The following ANKRD6 variants were observed in gnomAD, a reference collection of about 807,000 sequenced individuals.
ANKRD6 encodes the protein ankyrin repeat domain 6.
Under a neutral mutation model 82.3 loss-of-function variants are expected in ANKRD6, and 56 were observed. The ratio of observed to expected loss-of-function variants is 0.68; its 90% CI spans 0.55 to 0.85. The LOEUF (loss-of-function observed/expected upper bound fraction) is 0.85, where lower values mean the gene tolerates loss of function less well. Among genes scored for constraint, ANKRD6 ranks in the 40% least tolerant of loss-of-function variants. ANKRD6 has a pLI of 0.00. For synonymous variants in ANKRD6, 347 were observed against 352.1 expected (o/e 0.99, Z 0.16); for missense variants, 852 against 907.6 (o/e 0.94, Z 0.79).
chr6:89,524,526 G>A (rs148180354), intron 1 of ANKRD6, among the ~76,000 whole-genome samples: 15 of 152,238 alleles, frequency 9.9e-5, no homozygotes, highest in Admixed American at 9.8e-4. Flanking sequence ...GCAGCAACTG[G>A]GCTGGAGTTG....
chr6:89,492,079 G>C (rs1388325746), intron 1 of ANKRD6, among the ~76,000 whole-genome samples: 4 of 152,170 alleles, frequency 2.6e-5, no homozygotes, highest in African/African-American at 9.7e-5. Context: ...TTGAATAAAT[G>C]TGCATGCTTT....
At chr6:89,548,767 C>T (rs931391501) in intron 1 of ANKRD6, among the ~76,000 whole-genome samples, 16 of 152,168 alleles carry the variant, frequency 1.1e-4, no homozygotes, top group African/African-American at 2.7e-4. Flanking sequence ...TATACAGTGG[C>T]GACCAGTGTT....
At chr6:89,586,454 C>T (rs1023300009) in intron 2 of ANKRD6, among the ~76,000 whole-genome samples, 5 of 151,988 alleles carry the variant, frequency 3.3e-5, no homozygotes, top group African/African-American at 1.2e-4. Flanking sequence ...TTTGGGAGGC[C>T]GAGGCGGGCG....
chr6:89,548,905 G>T (rs1404558421), intron 1 of ANKRD6, among the ~76,000 whole-genome samples: 1 of 152,120 alleles, frequency 6.6e-6, no homozygotes. Context: ...CAAAACTCGT[G>T]TTGAAATTTA....
chr6:89,456,124 T>C (rs1042565429), intron 1 of ANKRD6, among the ~76,000 whole-genome samples: 1 of 152,112 alleles, frequency 6.6e-6, no homozygotes, highest in African/African-American at 2.4e-5. Context: ...ATCCACCCGC[T>C]TTGGCCTCCC....
chr6:89,475,081 A>G (rs908717742), intron 1 of ANKRD6, among the ~76,000 whole-genome samples: 2 of 152,180 alleles, frequency 1.3e-5, no homozygotes, highest in Non-Finnish European at 2.9e-5. Context: ...TCTTGACCTG[A>G]TCAGAATTTT....
chr6:89,625,409 T>A (rs2128267696), intron 13 of ANKRD6, among the ~76,000 whole-genome samples: 1 of 152,364 alleles, frequency 6.6e-6, no homozygotes, highest in South Asian at 2.1e-4. Context: ...ATTTTTTTCT[T>A]TTCCCAACTT....
At chr6:89,481,740 G>C (rs1204871847) in intron 1 of ANKRD6, among the ~76,000 whole-genome samples, 1 of 151,892 alleles carries the variant, frequency 6.6e-6, no homozygotes, top group East Asian at 1.9e-4. Flanking sequence ...TGGTGGTACT[G>C]CTGCTGCTGC....
Position 89,495,331 on chromosome 6 carries a change from C to T in ANKRD6, c.-144+61956C>T, listed in dbSNP as rs2127858388. On this transcript the variant is annotated intron_variant, in intron 1 of 15. Transcript: ENST00000339746. ...CCCCATGACTCGGGGAGCACTGGTC[C>T]AACTTCAGGACTGGACCTCTGGGAG... 1.3e-5 allele frequency among the ~76,000 whole-genome samples: 2 copies of T among 152,344 alleles called. 1 individual carries two copies. The highest frequency in any genetic ancestry group is 6.8e-3 in the Middle Eastern group (2 of 294).
intron 2 of ANKRD6, among the ~76,000 whole-genome samples, chr6:89,569,992 GT>G (rs1435363619): frequency 6.6e-6 from 1 of 151,754 alleles, no homozygotes; most frequent in Non-Finnish European, 1.5e-5. Flanking sequence ...TGATTCAACA[GT>G]TTAGTTTTTT....
chr6:89,584,165 C>T (rs1300449115), intron 2 of ANKRD6, among the ~76,000 whole-genome samples: 4 of 152,210 alleles, frequency 2.6e-5, no homozygotes, highest in Non-Finnish European at 5.9e-5. Context: ...CCCTAAATAC[C>T]TGTACCTTTC....
chr6:89,618,225 T>C, intron 9 of ANKRD6, 194 bp downstream of exon 9: 1 of 712,484 alleles, frequency 1.4e-6, no homozygotes, highest in Non-Finnish European at 2.5e-6. Flanking sequence ...TTCGTGTTCA[T>C]GCCTGGGCCG....
intron 1 of ANKRD6, among the ~76,000 whole-genome samples, chr6:89,498,641 T>A (rs893838811): frequency 2.6e-5 from 4 of 152,188 alleles, no homozygotes; most frequent in African/African-American, 9.6e-5. Context: ...TCTTGAAACC[T>A]GCTATGCAGA....
chr6:89,593,277 G>C (rs1247230617), intron 2 of ANKRD6, among the ~76,000 whole-genome samples: 1 of 152,186 alleles, frequency 6.6e-6, no homozygotes, highest in Non-Finnish European at 1.5e-5. Flanking sequence ...TTTGTGAAGG[G>C]CACATACTCA....
chr6:89,553,401 G>C (rs559737270), intron 1 of ANKRD6, among the ~76,000 whole-genome samples: 1 of 152,320 alleles, frequency 6.6e-6, no homozygotes, highest in East Asian at 1.9e-4. Context: ...TCTGTCCTCT[G>C]TGGGATAGCG....
At chr6:89,601,171 G>C (rs1043577259) in intron 3 of ANKRD6, among the ~76,000 whole-genome samples, 1 of 152,192 alleles carries the variant, frequency 6.6e-6, no homozygotes, top group African/African-American at 2.4e-5. Context: ...CACTGACCCA[G>C]CGGCCACATT....
At chr6:89,609,108 G>C (rs1442192291) in intron 5 of ANKRD6, among the ~76,000 whole-genome samples, 1 of 152,198 alleles carries the variant, frequency 6.6e-6, no homozygotes, top group African/African-American at 2.4e-5. Flanking sequence ...GGCACCGCAT[G>C]CAGCTTTGTG....
At chr6:89,608,820 C>T (rs572127799) in intron 5 of ANKRD6, among the ~76,000 whole-genome samples, 2 of 152,312 alleles carry the variant, frequency 1.3e-5, no homozygotes, top group African/African-American at 4.8e-5. Flanking sequence ...ATTTCAGATG[C>T]CTCAAGCAGA....
At chr6:89,472,665 C>A (rs1252942569) in intron 1 of ANKRD6, among the ~76,000 whole-genome samples, 1 of 152,214 alleles carries the variant, frequency 6.6e-6, no homozygotes, top group African/African-American at 2.4e-5. Flanking sequence ...AAGCACCTTA[C>A]CTTACCTGTA....
Sources: allele counts gnomAD v4.1 joint callset (sites outside exome capture counted in the v4.1 genomes callset), GRCh38; gene constraint gnomAD v4.1.1; transcripts MANE v1.5; gene names NCBI Gene and HGNC (gene_info 2026-07-23, HGNC 2026-07-21).